Variants in PDE1C observed in about 807,000 individuals in gnomAD.
PDE1C encodes dual specificity calcium/calmodulin-dependent 3',5'-cyclic nucleotide phosphodiesterase 1C.
Under a neutral mutation model 93.1 loss-of-function variants are expected in PDE1C, and 62 were observed. The observed-to-expected ratio is 0.67, with a 90% CI of 0.54 to 0.82. The LOEUF (loss-of-function observed/expected upper bound fraction) is 0.82, where lower values mean the gene tolerates loss of function less well. PDE1C is among the 40% of genes least tolerant of loss of function. The probability of loss-of-function intolerance (pLI) is 0.00; values close to 1 mark genes in which losing one functional copy is unlikely to be tolerated. For synonymous variants in PDE1C, 325 were observed against 310.1 expected, an observed-to-expected ratio of 1.05 and a Z score of -0.50; for missense variants, 742 against 884.6, an observed-to-expected ratio of 0.84 and a Z score of 2.04.
At chr7:31,988,502 T>C (rs1783700254) in intron 2 of PDE1C, among the ~76,000 whole-genome samples, 1 of 152,250 alleles carries the variant, frequency 6.6e-6, no homozygotes, top group Non-Finnish European at 1.5e-5. Flanking sequence ...TTTAACATAT[T>C]TTTAACTGCA....
the PDE1C span, among the ~76,000 whole-genome samples, chr7:31,725,251 A>G: frequency 9.9e-5 from 15 of 152,154 alleles, no homozygotes; most frequent in Non-Finnish European, 1.6e-4. Flanking sequence ...AGGTACTGGT[A>G]GGTATGAAGG....
rs145817272 is a variant in PDE1C at position 32,017,158 on chromosome 7, A to T, written c.128+34396T>A. Among the ~76,000 whole-genome samples the T allele has an allele frequency of 5.5e-3, 833 of 152,278 alleles. 8 individuals are homozygous for T. Among genetic ancestry groups the T allele is most frequent in the African/African-American group, 0.016 (673 of 41,568 alleles). On this transcript the variant is annotated intron_variant, in intron 2 of 17. Coordinates refer to ENST00000396191, the MANE Select transcript of PDE1C (RefSeq NM_001191057.4). ...TAATCATTATTTGTTAACCTGTGTT[A>T]CTCATATGGCAAACAATAATTATGA...
chr7:32,307,644 G>A (rs995919909), intron 1 of PDE1C, among the ~76,000 whole-genome samples: 8 of 152,120 alleles, frequency 5.3e-5, no homozygotes, highest in East Asian at 3.9e-4. Context: ...ATGATCTGTC[G>A]CCACATCAGA....
At chr7:32,076,955 G>A (rs933056025) in intron 3 of PDE1C, among the ~76,000 whole-genome samples, 1 of 151,172 alleles carries the variant, frequency 6.6e-6, no homozygotes, top group African/African-American at 2.4e-5. Context: ...AAAAAAACAG[G>A]GCCGGGCACA....
chr7:32,178,498 CACAA>C (rs1371991843), intron 2 of PDE1C, among the ~76,000 whole-genome samples: 1 of 152,178 alleles, frequency 6.6e-6, no homozygotes, highest in African/African-American at 2.4e-5. Context: ...GCCAAAAATA[CACAA>C]ACAGATAGAT....
chr7:31,656,245 T>C, the PDE1C span: 1 of 177,490 alleles, frequency 5.6e-6, no homozygotes, highest in African/African-American at 2.4e-5. Context: ...CCTACTACCC[T>C]GTGTTTAAGA....
chr7:32,113,444 TA>T (rs1798797318), intron 3 of PDE1C, among the ~76,000 whole-genome samples: 1 of 150,898 alleles, frequency 6.6e-6, no homozygotes, highest in African/African-American at 2.4e-5. Context: ...ATTTTTCTAA[TA>T]GCAAAAATCC....
At chr7:32,080,733 G>C (rs1796614917) in intron 3 of PDE1C, among the ~76,000 whole-genome samples, 4 of 152,150 alleles carry the variant, frequency 2.6e-5, no homozygotes, top group Admixed American at 2.6e-4. Context: ...GTCCATGCTG[G>C]TCCCTGTGAT....
At chr7:31,960,737 T>G (rs1025308654) in intron 2 of PDE1C, among the ~76,000 whole-genome samples, 1 of 152,154 alleles carries the variant, frequency 6.6e-6, no homozygotes, top group Admixed American at 6.5e-5. Flanking sequence ...CTTCATGAGT[T>G]TGCAATGATT....
chr7:32,242,772 G>A (rs1254253200), intron 1 of PDE1C, among the ~76,000 whole-genome samples: 1 of 152,152 alleles, frequency 6.6e-6, no homozygotes, highest in East Asian at 1.9e-4. Flanking sequence ...GGGGCCATGG[G>A]AGAATAAAAC....
At chr7:32,315,981 G>A (rs535386450) in intron 1 of PDE1C, among the ~76,000 whole-genome samples, 1 of 152,300 alleles carries the variant, frequency 6.6e-6, no homozygotes, top group East Asian at 1.9e-4. Context: ...GGCAACAAGA[G>A]CGAAAACTCC....
the PDE1C span, among the ~76,000 whole-genome samples, chr7:31,639,531 TG>T: frequency 1.0e-3 from 25 of 23,916 alleles, 1 homozygote; most frequent in African/African-American, 4.0e-3. Context: ...TTTGTTTGTT[TG>T]TTTTTGTTTT....
chr7:31,776,605 T>C (rs1782989254), intron 16 of PDE1C, among the ~76,000 whole-genome samples: 1 of 152,204 alleles, frequency 6.6e-6, no homozygotes, highest in Admixed American at 6.5e-5. Context: ...TGTACGTATA[T>C]ACATACGCAT....
At chr7:31,778,378 T>A (rs1268688570) in intron 16 of PDE1C, among the ~76,000 whole-genome samples, 1 of 152,202 alleles carries the variant, frequency 6.6e-6, no homozygotes, top group Non-Finnish European at 1.5e-5. Flanking sequence ...GATTTTTTAC[T>A]TGTCTCATTT....
chr7:31,842,124 G>A (rs1791981225), intron 9 of PDE1C, among the ~76,000 whole-genome samples: 1 of 152,044 alleles, frequency 6.6e-6, no homozygotes, highest in African/African-American at 2.4e-5. Flanking sequence ...ACACACTGAG[G>A]CCCAGGCGAG....
At position 31,933,573 on chromosome 7, in the gene PDE1C, A is replaced by G. The variant is rs148000239; in HGVS notation, c.129-52713T>C. 3.0e-3 allele frequency among the ~76,000 whole-genome samples: 460 copies of G among 152,312 alleles called. 2 individuals are homozygous for G. The highest frequency in any genetic ancestry group is 0.01 in the African/African-American group (421 of 41,572). ...AGTTTTAGGATGACACTTGATATACAGTCTGGATACTCGTCCCTGCCCAGC... is the reference window on the plus strand; with the variant it reads ...AGTTTTAGGATGACACTTGATATACGGTCTGGATACTCGTCCCTGCCCAGC... On this transcript the variant is annotated intron_variant, in intron 2 of 17. Coordinates refer to ENST00000396191, the MANE Select transcript of PDE1C (RefSeq NM_001191057.4).
At chr7:32,164,768 C>A (rs778747776) in intron 3 of PDE1C, among the ~76,000 whole-genome samples, 1 of 152,192 alleles carries the variant, frequency 6.6e-6, no homozygotes, top group Admixed American at 6.5e-5. Context: ...AATGTGTACA[C>A]CAGAGGCTGG....
intron 2 of PDE1C, among the ~76,000 whole-genome samples, chr7:32,039,225 G>T (rs1484732914): frequency 6.6e-6 from 1 of 152,054 alleles, no homozygotes; most frequent in African/African-American, 2.4e-5. Context: ...AGTGAGTAGG[G>T]GTGATCAGTA....
At chr7:32,089,354 C>G (rs892876895) in intron 3 of PDE1C, among the ~76,000 whole-genome samples, 3 of 151,996 alleles carry the variant, frequency 2.0e-5, no homozygotes, top group African/African-American at 7.3e-5. Flanking sequence ...CCTACAGAAC[C>G]CTGGGGCCTC....
Sources: allele counts gnomAD v4.1 joint callset (sites outside exome capture counted in the v4.1 genomes callset), GRCh38; gene constraint gnomAD v4.1.1; transcripts MANE v1.5; gene names NCBI Gene and HGNC (gene_info 2026-07-23, HGNC 2026-07-21).